IFT52: variants seen among roughly 807,000 people sequenced by gnomAD.
IFT52 encodes the protein intraflagellar transport protein 52 homolog.
IFT52 carries 44 observed loss-of-function variants against 54.4 expected under a neutral mutation model. That is an observed-to-expected ratio of 0.81 (90% CI 0.63 to 1.04). IFT52 has a LOEUF of 1.04. Ranked by LOEUF, IFT52 falls within the 50% of genes least tolerant of loss-of-function variation. The pLI is 0.00. For synonymous variants in IFT52, 181 were observed against 185.3 expected (o/e 0.98, Z 0.19); for missense variants, 452 against 523.6 (o/e 0.86, Z 1.33).
intron 13 of IFT52, among the ~76,000 whole-genome samples, chr20:43,646,209 CA>C (rs3092766): frequency 0.76 from 103,255 of 136,290 alleles, 38,168 homozygotes; most frequent in Admixed American, 0.79. Flanking sequence ...AGACTCGTCT[CA>C]AAAAAAAAAA....
intron 10 of IFT52, among the ~76,000 whole-genome samples, chr20:43,635,185 GAGA>G (rs1174590143): frequency 3.4e-5 from 2 of 59,068 alleles, no homozygotes; most frequent in East Asian, 5.6e-4. Flanking sequence ...AAGAGAGAGA[GAGA>G]AAAAAAAAAA....
chr20:43,644,798 ATAAAAATAAAAAT>A lies in IFT52; in HGVS notation c.1267-2137_1267-2125del, dbSNP rs1986116700. Among the ~76,000 whole-genome samples the A allele has an allele frequency of 3.5e-5, 2 of 56,874 alleles. 1 individual carries two copies. Among genetic ancestry groups the A allele is most frequent in the Non-Finnish European group, 8.3e-5 (2 of 23,978 alleles). 37.3% of individuals were successfully genotyped at this position (56,874 alleles called of 152,430 possible). A position where few individuals can be genotyped will look rare whatever the true frequency, so the allele number is the denominator to read the frequency against. On this transcript the variant is annotated intron_variant, in intron 13 of 13. Transcript: ENST00000373030. Reference sequence around the variant, plus strand: ...TCTATCTCAAAAAAATAAATAAAAAATAAAAATAAAAATGTTTAAGGACTTGGGCCAGGCGCTG... The same window carrying A: ...TCTATCTCAAAAAAATAAATAAAAAAGTTTAAGGACTTGGGCCAGGCGCTG...
chr20:43,603,994 G>A, intron 4 of IFT52, 105 bp downstream of exon 4: 3 of 978,900 alleles, frequency 3.1e-6, no homozygotes, highest in Non-Finnish European at 4.7e-6. Context: ...CCTGGGCTGT[G>A]TGTGCGTGTT....
At chr20:43,607,993 C>T (rs1012923416) in intron 6 of IFT52, among the ~76,000 whole-genome samples, 56 of 152,294 alleles carry the variant, frequency 3.7e-4, no homozygotes, top group African/African-American at 1.1e-3. Flanking sequence ...AAAAAAAATA[C>T]GAAAACCAGA....
intron 8 of IFT52, 128 bp downstream of exon 8, chr20:43,619,154 A>C: frequency 1.5e-6 from 1 of 663,094 alleles, no homozygotes; most frequent in Non-Finnish European, 2.6e-6. Context: ...CCAGGCACTG[A>C]GAATACAAAG....
intron 1 of IFT52, 92 bp from the exon 2 acceptor site, chr20:43,594,601 G>A (rs750646902): frequency 2.8e-6 from 2 of 714,068 alleles, no homozygotes; most frequent in Non-Finnish European, 4.9e-6. Context: ...ACCCTTTCTT[G>A]ATAAATTAGT....
chr20:43,643,108 G>A (rs1488509196), intron 13 of IFT52, among the ~76,000 whole-genome samples: 1 of 151,902 alleles, frequency 6.6e-6, no homozygotes, highest in Non-Finnish European at 1.5e-5. Context: ...CAGAGGTTGT[G>A]GTGAGCTGAG....
At chr20:43,622,627 T>C (rs1215312977) in intron 9 of IFT52, among the ~76,000 whole-genome samples, 2 of 147,798 alleles carry the variant, frequency 1.4e-5, no homozygotes, top group Admixed American at 6.8e-5. Context: ...TTTATACATA[T>C]ATATATTCTA....
intron 1 of IFT52, among the ~76,000 whole-genome samples, chr20:43,591,851 A>G (rs1981548776): frequency 6.6e-6 from 1 of 152,166 alleles, no homozygotes; most frequent in African/African-American, 2.4e-5. Context: ...CAGCATGGGT[A>G]TCAAAAGGAA....
intron 10 of IFT52, among the ~76,000 whole-genome samples, chr20:43,632,920 A>C (rs1193801528): frequency 1.3e-5 from 2 of 152,270 alleles, no homozygotes; most frequent in East Asian, 3.8e-4. Context: ...GTTTCTTTTC[A>C]GTTCTCAATG....
At chr20:43,636,118 C>T in intron 11 of IFT52, 105 bp downstream of exon 11, 3 of 1,007,814 alleles carry the variant, frequency 3.0e-6, no homozygotes, top group Non-Finnish European at 4.6e-6. Context: ...TTGTGGCACT[C>T]CTTGTGGAGT....
intron 6 of IFT52, among the ~76,000 whole-genome samples, chr20:43,609,515 T>A (rs1189128349): frequency 6.6e-6 from 1 of 152,108 alleles, no homozygotes; most frequent in Non-Finnish European, 1.5e-5. Context: ...CTCACGCCTG[T>A]AATCCCAACA....
At chr20:43,629,853 G>A (rs753822227) in intron 10 of IFT52, among the ~76,000 whole-genome samples, 15 of 152,148 alleles carry the variant, frequency 9.9e-5, no homozygotes, top group Non-Finnish European at 2.1e-4. Flanking sequence ...CAGTGAGGCT[G>A]TTATCTCCAT....
chr20:43,630,719 G>A (rs1330365123), intron 10 of IFT52, among the ~76,000 whole-genome samples: 2 of 152,202 alleles, frequency 1.3e-5, no homozygotes, highest in Non-Finnish European at 2.9e-5. Context: ...AAAACGCAGT[G>A]CCAGAGGTCA....
chr20:43,621,003 G>A, intron 9 of IFT52, 78 bp downstream of exon 9: 1 of 1,015,372 alleles, frequency 9.8e-7, no homozygotes, highest in Middle Eastern at 2.1e-4. Flanking sequence ...AGCTCAAAAG[G>A]AATACATGAC....
chr20:43,609,191 G>A (rs572952363), intron 6 of IFT52, among the ~76,000 whole-genome samples: 15 of 152,178 alleles, frequency 9.9e-5, no homozygotes, highest in Admixed American at 5.9e-4. Flanking sequence ...GCAGTGAGCC[G>A]TGATCATGCC....
chr20:43,621,229 T>G lies in IFT52; in HGVS notation c.768+304T>G, dbSNP rs1231276245. 2.0e-5 allele frequency among the ~76,000 whole-genome samples: 3 copies of G among 152,320 alleles called. No individual in the cohort carries two copies. In the East Asian group the frequency reaches 5.8e-4, roughly 29 times the overall value. Reference sequence around the variant, plus strand: ...AAAATGAGCATCTGCAGAAAAATACTTTTTTCAGAAATCTGAAATTTTCTC... The same window carrying G: ...AAAATGAGCATCTGCAGAAAAATACGTTTTTCAGAAATCTGAAATTTTCTC... On this transcript the variant is annotated intron_variant, in intron 9 of 13. Transcript: ENST00000373030.
chr20:43,604,250 C>A lies in IFT52; in HGVS notation c.405C>A (p.Val135=). 6.2e-7 allele frequency: 1 copy of A among 1,606,842 alleles called. No individual in the cohort carries two copies. The highest frequency in any genetic ancestry group is 1.1e-5 in the South Asian group (1 of 90,916). ...HPKEALVSSG[V]LNREISRAAG... ...AAGAAGCTCTAGTTTCCAGTGGAGTCTTGAACAGGTAAGCATGTTGAAAGC... is the reference window on the plus strand; with the variant it reads ...AAGAAGCTCTAGTTTCCAGTGGAGTATTGAACAGGTAAGCATGTTGAAAGC... The change falls in exon 5 of 14, where the codon GTC becomes GTA. Residue 135 remains valine (V), a synonymous_variant. Transcript: ENST00000373030.
At chr20:43,628,548 C>T (rs1318724614) in intron 10 of IFT52, among the ~76,000 whole-genome samples, 1 of 152,110 alleles carries the variant, frequency 6.6e-6, no homozygotes, top group Admixed American at 6.6e-5. Context: ...GAAACAAGAT[C>T]ATCAGTTAAA....
Sources: allele counts gnomAD v4.1 joint callset (sites outside exome capture counted in the v4.1 genomes callset), GRCh38; gene constraint gnomAD v4.1.1; transcripts MANE v1.5; gene names NCBI Gene and HGNC (gene_info 2026-07-23, HGNC 2026-07-21).